The following TEAD1 variants were observed in gnomAD, a reference collection of about 807,000 sequenced individuals.
TEAD1 encodes transcriptional enhancer factor TEF-1.
TEAD1 carries 9 observed loss-of-function variants against 54.9 expected under a neutral mutation model. The observed-to-expected ratio is 0.16, with a 90% CI of 0.10 to 0.29. The LOEUF (loss-of-function observed/expected upper bound fraction) is 0.29, where lower values mean the gene tolerates loss of function less well. TEAD1 is among the 10% of genes least tolerant of loss of function. The probability of loss-of-function intolerance (pLI) is 1.00; values close to 1 mark genes in which losing one functional copy is unlikely to be tolerated. For synonymous variants in TEAD1, 200 were observed against 187.8 expected (o/e 1.07, Z -0.53); for missense variants, 387 against 535.9 (o/e 0.72, Z 2.74).
chr11:12,935,088 T>C (rs1363610505), intron 12 of TEAD1, among the ~76,000 whole-genome samples: 1 of 152,198 alleles, frequency 6.6e-6, no homozygotes, highest in Non-Finnish European at 1.5e-5. Flanking sequence ...TCCTGGGTTC[T>C]GATGCAGGAG....
intron 3 of TEAD1, among the ~76,000 whole-genome samples, chr11:12,821,086 C>T (rs1168019167): frequency 6.6e-6 from 1 of 152,158 alleles, no homozygotes; most frequent in East Asian, 1.9e-4. Flanking sequence ...CAGCTGCTGT[C>T]CAGGCCTTCA....
At chr11:12,879,035 G>C (rs764943845) in intron 5 of TEAD1, 2 of 585,632 alleles carry the variant, frequency 3.4e-6, no homozygotes, top group Non-Finnish European at 5.2e-6. Flanking sequence ...CGTACCTGTA[G>C]CATCCCCTAG....
intron 2 of TEAD1, among the ~76,000 whole-genome samples, chr11:12,748,484 G>A (rs866206075): frequency 3.3e-5 from 5 of 152,180 alleles, no homozygotes; most frequent in African/African-American, 7.2e-5. Context: ...AAGGCCAGGG[G>A]TCTCATAATG....
In TEAD1 at chr11:12,771,027, T is replaced by C. The variant is rs575984546; in HGVS notation, c.202+6593T>C. On this transcript the variant is annotated intron_variant, in intron 3 of 12. Transcript: ENST00000527636. The stretch of plus-strand genomic sequence containing the variant: ...AAAATCACATATTTGTATGTAGTTT[T>C]AGGACTGTTGCATGTAACTTCAGGC... Among the ~76,000 whole-genome samples the C allele has an allele frequency of 2.0e-5, 3 of 152,380 alleles. No homozygotes were observed. In the South Asian group the frequency reaches 6.2e-4, roughly 32 times the overall value.
chr11:12,763,531 G>A (rs1312479535), intron 2 of TEAD1, among the ~76,000 whole-genome samples: 4 of 152,192 alleles, frequency 2.6e-5, no homozygotes, highest in African/African-American at 7.2e-5. Context: ...AGCCAGCATT[G>A]CTGTCTCAGT....
At chr11:12,714,645 T>C (rs562755802) in intron 2 of TEAD1, among the ~76,000 whole-genome samples, 1 of 152,236 alleles carries the variant, frequency 6.6e-6, no homozygotes, top group Admixed American at 6.5e-5. Flanking sequence ...TTCCTGGGGC[T>C]GCTGTAACAA....
chr11:12,819,513 G>A (rs1355878457), intron 3 of TEAD1, among the ~76,000 whole-genome samples: 5 of 152,096 alleles, frequency 3.3e-5, no homozygotes, highest in East Asian at 3.9e-4. Context: ...GTAGTGGCGC[G>A]ATCTCGGCTC....
chr11:12,772,835 T>C (rs1031319869), intron 3 of TEAD1, among the ~76,000 whole-genome samples: 5 of 152,186 alleles, frequency 3.3e-5, no homozygotes, highest in African/African-American at 1.2e-4. Flanking sequence ...GTGTGCGTAC[T>C]AAGTTGTGTA....
At chr11:12,684,421 G>A (rs1590049300) in intron 2 of TEAD1, among the ~76,000 whole-genome samples, 1 of 152,330 alleles carries the variant, frequency 6.6e-6, no homozygotes, top group Non-Finnish European at 1.5e-5. Flanking sequence ...TTTTGTAAGT[G>A]GTTGAATGGA....
intron 2 of TEAD1, among the ~76,000 whole-genome samples, chr11:12,729,078 G>A (rs1944370502): frequency 6.6e-6 from 1 of 152,212 alleles, no homozygotes; most frequent in Admixed American, 6.5e-5. Flanking sequence ...GAGGAGCCTT[G>A]CCATTCAGTG....
chr11:12,719,036 G>A (rs533545707), intron 2 of TEAD1, among the ~76,000 whole-genome samples: 147 of 151,608 alleles, frequency 9.7e-4, no homozygotes, highest in African/African-American at 3.3e-3. Context: ...TCTGAACAAC[G>A]CGTTTTCAAA....
At chr11:12,863,480 GA>G (rs1486361886) in intron 4 of TEAD1, among the ~76,000 whole-genome samples, 1 of 151,884 alleles carries the variant, frequency 6.6e-6, no homozygotes, top group Non-Finnish European at 1.5e-5. Flanking sequence ...CTGTACTTAA[GA>G]AAAGTACCAA....
chr11:12,819,145 C>T (rs1946476316), intron 3 of TEAD1, among the ~76,000 whole-genome samples: 1 of 152,106 alleles, frequency 6.6e-6, no homozygotes, highest in Non-Finnish European at 1.5e-5. Flanking sequence ...CAGATCCAGA[C>T]AGTGGGTTAT....
chr11:12,676,971 G>C (rs1943106657), intron 2 of TEAD1, among the ~76,000 whole-genome samples: 1 of 151,952 alleles, frequency 6.6e-6, no homozygotes. Context: ...GCAGTTTTAG[G>C]GGAATATTAG....
At chr11:12,775,197 CCTTT>C (rs1945393570) in intron 3 of TEAD1, among the ~76,000 whole-genome samples, 1 of 152,164 alleles carries the variant, frequency 6.6e-6, no homozygotes, top group African/African-American at 2.4e-5. Flanking sequence ...GCTGAGCCCT[CCTTT>C]CTTAGGGTTT....
At chr11:12,683,763 A>G (rs1943274232) in intron 2 of TEAD1, among the ~76,000 whole-genome samples, 1 of 152,176 alleles carries the variant, frequency 6.6e-6, no homozygotes, top group Non-Finnish European at 1.5e-5. Flanking sequence ...ATTAATTGAA[A>G]GGAGTAGGAG....
At chr11:12,750,484 T>A (rs1944848270) in intron 2 of TEAD1, among the ~76,000 whole-genome samples, 1 of 152,220 alleles carries the variant, frequency 6.6e-6, no homozygotes, top group Admixed American at 6.5e-5. Flanking sequence ...AAAATACTTT[T>A]GATTTAAAAG....
chr11:12,912,153 A>G (rs1022097095), intron 10 of TEAD1, among the ~76,000 whole-genome samples: 2 of 152,070 alleles, frequency 1.3e-5, no homozygotes, highest in African/African-American at 4.8e-5. Context: ...TTTCTGGGCC[A>G]TCTCGTTGCT....
At chr11:12,840,981 A>G (rs1019596783) in intron 3 of TEAD1, among the ~76,000 whole-genome samples, 11 of 152,170 alleles carry the variant, frequency 7.2e-5, no homozygotes, top group East Asian at 5.8e-4. Flanking sequence ...TCTCATCTCA[A>G]GTTATCAGTT....
Sources: gnomAD v4.1 joint callset for allele counts (sites outside exome capture counted in the v4.1 genomes callset) on GRCh38, gnomAD v4.1.1 for gene constraint, MANE v1.5 for transcripts, NCBI Gene and HGNC (gene_info 2026-07-23, HGNC 2026-07-21) for gene names.